TMEM143: variants seen among roughly 807,000 people sequenced by gnomAD.
The protein encoded by TMEM143 is transmembrane protein 143.
A neutral mutation model predicts 40.3 loss-of-function variants in TMEM143; 45 were observed. That is an observed-to-expected ratio of 1.12 (90% CI 0.88 to 1.43). TMEM143 has a LOEUF of 1.43. Ranked by LOEUF, TMEM143 falls within the 40% of genes most tolerant of loss-of-function variation. The pLI, the probability that TMEM143 is intolerant of heterozygous loss-of-function variation, is 0.00. For synonymous variants in TMEM143, 299 were observed against 282.7 expected (o/e 1.06, Z -0.58); for missense variants, 620 against 613.4 (o/e 1.01, Z -0.11).
At chr19:48,346,367 A>G (rs558833861) in intron 3 of TMEM143, among the ~76,000 whole-genome samples, 8 of 151,966 alleles carry the variant, frequency 5.3e-5, no homozygotes, top group Non-Finnish European at 1.2e-4. Context: ...GAGATTACAG[A>G]CATGAGCCAC....
intron 3 of TMEM143, chr19:48,359,851 G>C: frequency 1.9e-6 from 1 of 522,994 alleles, no homozygotes; most frequent in Non-Finnish European, 3.4e-6. Flanking sequence ...ATTGTTCATG[G>C]CACTTATCAC....
Position 48,363,493 on chromosome 19 carries a change from C to G in TMEM143, c.62G>C (p.Arg21Pro), listed in dbSNP as rs772168218. The part of the protein sequence containing the change: ...GKGLAMLHVT[R>P]GVWGSRVRVW... ...TCGGACCCTGGACCCCCAGACCCCC[C>G]GGGTCACATGCAGCATGGCTAGACC... The change falls in exon 2 of 8, where the codon CGG becomes CCG. Residue 21 changes from arginine (R) to proline (P), a missense_variant. Physicochemically the swap from Arg to Pro is moderately radical, Grantham distance 103 (BLOSUM62 -2). Coordinates refer to ENST00000293261, the MANE Select transcript of TMEM143 (RefSeq NM_018273.4). The G allele has an allele frequency of 2.8e-5, 45 of 1,613,646 alleles. No homozygotes were observed. Among genetic ancestry groups the G allele is most frequent in the Non-Finnish European group, 3.6e-5 (43 of 1,179,940 alleles).
At position 48,333,083 on chromosome 19, in the gene TMEM143, C is replaced by T; in HGVS notation, c.*136G>A. ...TGATTGGCTGCTTTGCTTAAGCACA[C>T]AGTGCAGCAAAAATAATCACCTGTC... On this transcript the variant is annotated 3_prime_UTR_variant, in exon 8 of 8. Coordinates refer to ENST00000293261, the MANE Select transcript of TMEM143 (RefSeq NM_018273.4). This position sits in a 1 kb window ranked among gnomAD's most constrained non-coding sequence, Gnocchi z 4.1. 1.5e-6 allele frequency: 1 copy of T among 665,304 alleles called. No homozygotes were observed. 41.2% of individuals were successfully genotyped at this position (665,304 alleles called of 1,614,324 possible).
At chr19:48,362,846 T>C (rs1970081408) in intron 2 of TMEM143, among the ~76,000 whole-genome samples, 1 of 152,234 alleles carries the variant, frequency 6.6e-6, no homozygotes, top group South Asian at 2.1e-4. Context: ...ATGGGGATGA[T>C]GGTGGTATCT....
At chr19:48,354,437 G>C (rs1969842687) in intron 3 of TMEM143, among the ~76,000 whole-genome samples, 1 of 151,576 alleles carries the variant, frequency 6.6e-6, no homozygotes, top group African/African-American at 2.4e-5. Context: ...GCTAATTTTT[G>C]TATTTTCAGT....
intron 2 of TMEM143, 88 bp from the exon 3 acceptor site, chr19:48,360,264 A>G (rs1600928528): frequency 7.8e-7 from 1 of 1,285,564 alleles, no homozygotes; most frequent in Middle Eastern, 1.8e-4. Context: ...TAACTACACA[A>G]TCAGAGCTCT....
At position 48,363,273 on chromosome 19, in the gene TMEM143, G is replaced by C. The variant is rs372182182; in HGVS notation, c.264+18C>G. 1.0e-4 allele frequency: 163 copies of C among 1,606,480 alleles called. No homozygotes were observed. The highest frequency in any genetic ancestry group is 1.4e-4 in the Non-Finnish European group (160 of 1,176,006). ...GGAGCCGTAGTCCCCAGGCTCTTGG[G>C]CCTGGGACAGGCGGTACCTGTATTA... On this transcript the variant is annotated intron_variant, in intron 2 of 7. Coordinates refer to ENST00000293261, the MANE Select transcript of TMEM143 (RefSeq NM_018273.4).
At position 48,343,360 on chromosome 19, in the gene TMEM143, G is replaced by A; in HGVS notation, c.656C>T (p.Ser219Phe). 1 of 1,610,188 alleles carries A rather than the reference G, an allele frequency of 6.2e-7. No homozygotes were observed. Among genetic ancestry groups the A allele is most frequent in the Non-Finnish European group, 8.5e-7 (1 of 1,178,696 alleles). Residue 219 changes from serine to phenylalanine, a missense_variant, in exon 5 of 8, where the codon TCC (serine) becomes TTC (phenylalanine). Ser to Phe is a radical substitution (Grantham distance 155). Coordinates refer to ENST00000293261, the MANE Select transcript of TMEM143 (RefSeq NM_018273.4). ...CAGCTTGGTGAAGAAGCCACGCCTG[G>A]AGCCCACGCTGGACTTCAGGGGCAT... is the stretch of plus-strand genomic sequence containing the variant. ...GQMPLKSSVGSRRGFFTKLPP... is the reference protein window; with the variant it reads ...GQMPLKSSVGFRRGFFTKLPP...
chr19:48,363,427 G>C lies in TMEM143; in HGVS notation c.128C>G (p.Ala43Gly). The C allele has an allele frequency of 6.2e-7, 1 of 1,613,978 alleles. No individual in the cohort carries two copies. The change falls in exon 2 of 8, where the codon GCC becomes GGC. Residue 43 changes from alanine to glycine, a missense_variant. Transcript: ENST00000293261. ...CATTTTGGCTGCCAGCGATGAGAGGGCCCGGGGGGGCCCGAGGAGCGCGGG... is the reference window on the plus strand; with the variant it reads ...CATTTTGGCTGCCAGCGATGAGAGGCCCCGGGGGGGCCCGAGGAGCGCGGG... ...LLPALLGPPR[A>G]LSSLAAKMGE...
At chr19:48,356,429 CTTT>C (rs34945058) in intron 3 of TMEM143, among the ~76,000 whole-genome samples, 8 of 118,498 alleles carry the variant, frequency 6.8e-5, no homozygotes, top group African/African-American at 9.6e-5. Context: ...CCCGGCCCTC[CTTT>C]TTTTTTTTTT....
At position 48,360,121 on chromosome 19, in the gene TMEM143, A is replaced by C. The variant is rs1481931871; in HGVS notation, c.320T>G (p.Val107Gly). 1 of 1,614,034 alleles carries C rather than the reference A, an allele frequency of 6.2e-7. No homozygotes were observed. The highest frequency in any genetic ancestry group is 8.5e-7 in the Non-Finnish European group (1 of 1,180,024). ...GTAGTGGAACAGGGTGCAGAAGTCC[A>C]CGTGGGCCGAGAACGCCTCCAAAGC... The part of the protein sequence containing the change: ...KAALEAFSAH[V>G]DFCTLFHYHQ... The change falls in exon 3 of 8, where the codon GTG (valine) becomes GGG (glycine). Residue 107 changes from valine (V) to glycine (G), a missense_variant. Val to Gly is a moderately radical substitution (Grantham distance 109, BLOSUM62 -3). Transcript: ENST00000293261.
At chr19:48,354,378 C>T (rs1364260813) in intron 3 of TMEM143, among the ~76,000 whole-genome samples, 1 of 151,386 alleles carries the variant, frequency 6.6e-6, no homozygotes, top group African/African-American at 2.4e-5. Flanking sequence ...GATTCTCCTA[C>T]CTCAGCCTCC....
chr19:48,356,887 C>T (rs1969912169), intron 3 of TMEM143, among the ~76,000 whole-genome samples: 2 of 143,312 alleles, frequency 1.4e-5, no homozygotes, highest in Non-Finnish European at 3.0e-5. Flanking sequence ...AGCCACAGCA[C>T]CTGGCCTTTT....
At chr19:48,362,418 G>C (rs559806747) in intron 2 of TMEM143, among the ~76,000 whole-genome samples, 2 of 152,126 alleles carry the variant, frequency 1.3e-5, no homozygotes, top group Non-Finnish European at 2.9e-5. Context: ...CCAGCCTCTC[G>C]GGGGCTGAGG....
At chr19:48,357,349 CT>C (rs1195099137) in intron 3 of TMEM143, among the ~76,000 whole-genome samples, 44,589 of 74,806 alleles carry the variant, frequency 0.6, 12,727 homozygotes, top group Admixed American at 0.67. Context: ...GTCTATCTTT[CT>C]TTTTTTTTTT....
chr19:48,357,445 C>T (rs437358), intron 3 of TMEM143, among the ~76,000 whole-genome samples: 81,697 of 149,440 alleles, frequency 0.55, 23,302 homozygotes, highest in Admixed American at 0.63. Context: ...GCTCCGCCTC[C>T]CGGGTTCACG....
chr19:48,333,133 G>C lies in TMEM143; in HGVS notation c.*86C>G, dbSNP rs1969251406. On this transcript the variant is annotated 3_prime_UTR_variant, in exon 8 of 8. Coordinates refer to ENST00000293261, the MANE Select transcript of TMEM143 (RefSeq NM_018273.4). This position sits in a 1 kb window ranked among gnomAD's most constrained non-coding sequence, Gnocchi z 4.1. ...CAGTTATTGGAAGTTGGAGTGAAAAGTATAATAACCGTAATTGACAGCCTG... is the reference window on the plus strand; with the variant it reads ...CAGTTATTGGAAGTTGGAGTGAAAACTATAATAACCGTAATTGACAGCCTG... The C allele has an allele frequency of 6.3e-6, 7 of 1,111,138 alleles. No homozygotes were observed. The highest frequency in any genetic ancestry group is 7.3e-6 in the Non-Finnish European group (6 of 819,564). The allele number at this position is 1,111,138 out of a possible 1,614,324, so 68.8% of individuals were successfully genotyped here.
rs1221919513 is a variant in TMEM143 at position 48,363,522 on chromosome 19, TC to T, written c.32del (p.Gly11GlufsTer4). MTVELWLRLRGKGLAMLHVTR... is the reference protein window; with the variant it reads MTVELWLRLRXKGLAMLHVTR... ...TCACATGCAGCATGGCTAGACCCTT[TC>T]CCCGGAGCCTAAACAGAGGAAAATG... On this transcript the variant is annotated frameshift_variant, in exon 2 of 8. Transcript: ENST00000293261. LOFTEE classifies it high-confidence loss of function. The T allele has an allele frequency of 6.2e-7, 1 of 1,609,146 alleles. No homozygotes were observed. The highest frequency in any genetic ancestry group is 8.5e-7 in the Non-Finnish European group (1 of 1,177,420).
intron 6 of TMEM143, among the ~76,000 whole-genome samples, chr19:48,337,274 C>T (rs1969392118): frequency 1.3e-5 from 2 of 152,006 alleles, no homozygotes; most frequent in South Asian, 2.1e-4. Context: ...GACAGCCGGG[C>T]GCGGTGGCTC....
Sources: allele counts gnomAD v4.1 joint callset (sites outside exome capture counted in the v4.1 genomes callset), GRCh38; gene constraint gnomAD v4.1.1; non-coding constraint Gnocchi (gnomAD v3.1); transcripts MANE v1.5; gene names NCBI Gene and HGNC (gene_info 2026-07-23, HGNC 2026-07-21).